The following KIAA0930 variants were observed in gnomAD, a reference collection of about 807,000 sequenced individuals.
KIAA0930 encodes KIAA0930.
In KIAA0930, 24 loss-of-function variants were observed where a neutral mutation model predicts 43.9. That is an observed-to-expected ratio of 0.55 (90% CI 0.40 to 0.77). The LOEUF (loss-of-function observed/expected upper bound fraction) is 0.77. KIAA0930 is among the 30% of genes least tolerant of loss of function. The probability of loss-of-function intolerance (pLI) is 0.00; values close to 1 mark genes in which losing one functional copy is unlikely to be tolerated. For synonymous variants in KIAA0930, 259 were observed against 216.4 expected (o/e 1.20, Z -1.73); for missense variants, 461 against 574.2 (o/e 0.80, Z 2.02).
intron 9 of KIAA0930, 72 bp from the exon 10 acceptor site, chr22:45,197,288 G>T: frequency 7.2e-7 from 1 of 1,385,942 alleles, no homozygotes; most frequent in Non-Finnish European, 9.8e-7. Flanking sequence ...TCACGGCAGT[G>T]CCACTTCTGA....
At chr22:45,205,553 G>A in intron 4 of KIAA0930, 77 bp downstream of exon 4, 1 of 1,384,022 alleles carries the variant, frequency 7.2e-7, no homozygotes, top group Non-Finnish European at 1.0e-6. Context: ...GAAGCAAGCA[G>A]GAGGACTTGT....
At chr22:45,224,322 C>CA (rs990132546) in intron 1 of KIAA0930, among the ~76,000 whole-genome samples, 1 of 151,884 alleles carries the variant, frequency 6.6e-6, no homozygotes, top group African/African-American at 2.4e-5. Context: ...AAAACAAAGA[C>CA]AAAAAAAAGT....
At chr22:45,206,619 A>G (rs1005028048) in intron 2 of KIAA0930, among the ~76,000 whole-genome samples, 1 of 152,236 alleles carries the variant, frequency 6.6e-6, no homozygotes, top group African/African-American at 2.4e-5. Flanking sequence ...GATCAGAGTC[A>G]AATTTACTGA....
intron 1 of KIAA0930, among the ~76,000 whole-genome samples, chr22:45,219,009 C>T (rs2083750914): frequency 6.6e-6 from 1 of 151,830 alleles, no homozygotes; most frequent in South Asian, 2.1e-4. Flanking sequence ...TAATTATTTT[C>T]CATGGGGATG....
chr22:45,203,978 C>A lies in KIAA0930; in HGVS notation c.524G>T (p.Ser175Ile), dbSNP rs1223134142. 1 of 1,614,032 alleles carries A rather than the reference C, an allele frequency of 6.2e-7. No homozygotes were observed. The highest frequency in any genetic ancestry group is 1.1e-5 in the South Asian group (1 of 91,080). Reference protein sequence around the residue: ...FMIDSFEEVFSDMTVGEGEMV... With the variant: ...FMIDSFEEVFIDMTVGEGEMV... Reference sequence around the variant, plus strand: ...CTCTCCTTCCCCTACGGTCATGTCGCTGAACACCTGGGCCAGGACACAAAG... The same window carrying A: ...CTCTCCTTCCCCTACGGTCATGTCGATGAACACCTGGGCCAGGACACAAAG... Residue 175 changes from serine (S) to isoleucine (I), a missense_variant, in exon 6 of 10, where the codon AGC (serine) becomes ATC (isoleucine). Physicochemically the swap from Ser to Ile is moderately radical, Grantham distance 142. Coordinates refer to ENST00000336156, the MANE Select transcript of KIAA0930 (RefSeq NM_001009880.2).
intron 1 of KIAA0930, chr22:45,236,167 C>T (rs1024572906): frequency 1.1e-4 from 16 of 152,318 alleles, no homozygotes; most frequent in African/African-American, 3.9e-4. Context: ...TCAGCTTCCT[C>T]ACCTGCAGAA....
rs369697007 is a variant in KIAA0930 at position 45,205,223 on chromosome 22, G to A, written c.510C>T (p.Phe170=). 2.8e-5 allele frequency: 45 copies of A among 1,613,124 alleles called. No individual in the cohort carries two copies. The highest frequency in any genetic ancestry group is 2.2e-4 in the East Asian group (10 of 44,892). ...GGCCCTGTGCAGAGCTCACCTCCTC[G>A]AAGCTGTCAATCATGAAGAAGATGT... The part of the protein sequence containing the change: ...YPNIFFMIDS[F]EEVFSDMTVG... Residue 170 remains phenylalanine, a synonymous_variant, in exon 5 of 10, where the codon TTC becomes TTT. Coordinates refer to ENST00000336156, the MANE Select transcript of KIAA0930 (RefSeq NM_001009880.2).
At chr22:45,212,627 A>G (rs1007440958) in intron 1 of KIAA0930, 8 of 1,218,796 alleles carry the variant, frequency 6.6e-6, no homozygotes, top group Non-Finnish European at 8.6e-6. Context: ...CCGCAGGGAG[A>G]CAGCACCCGC....
At chr22:45,200,112 A>C in intron 7 of KIAA0930, 77 bp from the exon 8 acceptor site, 1 of 1,392,016 alleles carries the variant, frequency 7.2e-7, no homozygotes. Context: ...CTCCTATCCC[A>C]CCCTCAAACA....
intron 1 of KIAA0930, among the ~76,000 whole-genome samples, chr22:45,231,859 C>A (rs910141892): frequency 6.6e-6 from 1 of 152,060 alleles, no homozygotes; most frequent in Non-Finnish European, 1.5e-5. Context: ...GGTGTGGTGG[C>A]GGGTGCCTGT....
chr22:45,220,420 G>A (rs1169743521), intron 1 of KIAA0930, among the ~76,000 whole-genome samples: 1 of 151,736 alleles, frequency 6.6e-6, no homozygotes, highest in African/African-American at 2.4e-5. Flanking sequence ...GGCCACTCCA[G>A]CCTGGCGACA....
intron 6 of KIAA0930, 112 bp from the exon 7 acceptor site, chr22:45,203,296 C>T: frequency 9.0e-7 from 1 of 1,115,604 alleles, no homozygotes; most frequent in Non-Finnish European, 1.3e-6. Context: ...CGGGGGCTGC[C>T]CGGGAGGGAG....
At chr22:45,199,730 G>A in intron 8 of KIAA0930, 143 bp downstream of exon 8, 1 of 878,350 alleles carries the variant, frequency 1.1e-6, no homozygotes, top group Admixed American at 2.8e-5. Context: ...TCAGCTCCTG[G>A]AGGGCTGCCT....
At chr22:45,224,194 A>C (rs987550312) in intron 1 of KIAA0930, among the ~76,000 whole-genome samples, 16 of 152,242 alleles carry the variant, frequency 1.1e-4, no homozygotes, top group African/African-American at 3.6e-4. Flanking sequence ...GAATACTTAA[A>C]TGAAGGAAAC....
chr22:45,213,398 G>C (rs1211542409), intron 1 of KIAA0930: 24 of 1,302,234 alleles, frequency 1.8e-5, no homozygotes, highest in Admixed American at 9.2e-5. Flanking sequence ...TCATCGGTGA[G>C]GGTCTGGGTC....
Position 45,235,073 on chromosome 22 carries a change from T to TA in KIAA0930, c.64+5566dup, listed in dbSNP as rs560720088. Reference sequence around the variant, plus strand: ...ACAAGTCTCCTGCTTGGGGCTTCTTTACAGCAGCCTAGTGGTGTGGCTGAC... The same window carrying TA: ...ACAAGTCTCCTGCTTGGGGCTTCTTTAACAGCAGCCTAGTGGTGTGGCTGAC... On this transcript the variant is annotated intron_variant, in intron 1 of 9. Coordinates refer to ENST00000336156, the MANE Select transcript of KIAA0930 (RefSeq NM_001009880.2). Among the ~76,000 whole-genome samples the TA allele has an allele frequency of 2.9e-3, 434 of 152,210 alleles. 2 individuals carry two copies. Among genetic ancestry groups the TA allele is most frequent in the Middle Eastern group, 0.014 (4 of 294 alleles).
At position 45,206,269 on chromosome 22, in the gene KIAA0930, G is replaced by A. The variant is rs112618898; in HGVS notation, c.217-357C>T. The stretch of plus-strand genomic sequence containing the variant: ...TGGGCTCAGGTGATCCTCCTGCCTC[G>A]ACCTCCCAAAGTACTGGGATTACAG... On this transcript the variant is annotated intron_variant, in intron 2 of 9. Transcript: ENST00000336156. 2.8e-4 allele frequency among the ~76,000 whole-genome samples: 43 copies of A among 152,128 alleles called. 1 individual carries two copies. The highest frequency in any genetic ancestry group is 9.2e-4 in the African/African-American group (38 of 41,482).
rs924251661 is a variant in KIAA0930, at chr22:45,238,831, G to A, written c.64+1809C>T. Reference sequence around the variant, plus strand: ...GTCAGGCTGGCAGAGGGTCAGTCCCGGCTATGCTGCTATGCTGCTTCCTCA... The same window carrying A: ...GTCAGGCTGGCAGAGGGTCAGTCCCAGCTATGCTGCTATGCTGCTTCCTCA... On this transcript the variant is annotated intron_variant, in intron 1 of 9. Transcript: ENST00000336156. Among the ~76,000 whole-genome samples the A allele has an allele frequency of 2.0e-5, 3 of 151,240 alleles. No individual in the cohort carries two copies. The East Asian group carries it at 5.8e-4, about 29-fold the overall frequency.
At chr22:45,205,516 A>G in intron 4 of KIAA0930, 114 bp downstream of exon 4, 1 of 1,055,814 alleles carries the variant, frequency 9.5e-7, no homozygotes, top group South Asian at 1.4e-5. Context: ...AGATTTCTGG[A>G]GTCAGACCCC....
Sources: gnomAD v4.1 joint callset for allele counts (sites outside exome capture counted in the v4.1 genomes callset) on GRCh38, gnomAD v4.1.1 for gene constraint, MANE v1.5 for transcripts, NCBI Gene and HGNC (gene_info 2026-07-23, HGNC 2026-07-21) for gene names.